SUGCT: variants seen among roughly 807,000 people sequenced by gnomAD.
SUGCT encodes succinyl-CoA:glutarate-CoA transferase.
Under a neutral mutation model 55.0 loss-of-function variants are expected in SUGCT, and 41 were observed. The ratio of observed to expected loss-of-function variants is 0.74; its 90% CI spans 0.58 to 0.97. SUGCT has a LOEUF of 0.97. SUGCT is among the 50% of genes least tolerant of loss of function. The pLI is 0.00. For synonymous variants in SUGCT, 187 were observed against 200.4 expected (o/e 0.93, Z 0.56); for missense variants, 568 against 547.8 (o/e 1.04, Z -0.37).
At chr7:40,277,209 T>C (rs1456290202) in intron 8 of SUGCT, among the ~76,000 whole-genome samples, 5 of 152,282 alleles carry the variant, frequency 3.3e-5, no homozygotes, top group East Asian at 1.9e-4. Flanking sequence ...CTTTCTTTTT[T>C]TCTTTTTCTG....
At chr7:40,678,230 C>T (rs1784091512) in intron 12 of SUGCT, among the ~76,000 whole-genome samples, 1 of 152,160 alleles carries the variant, frequency 6.6e-6, no homozygotes, top group African/African-American at 2.4e-5. Context: ...TGGTTGCCGT[C>T]GTGGAGACTG....
intron 12 of SUGCT, among the ~76,000 whole-genome samples, chr7:40,634,734 T>G (rs1266935215): frequency 6.6e-6 from 1 of 152,188 alleles, no homozygotes; most frequent in Non-Finnish European, 1.5e-5. Flanking sequence ...AAATAGACAT[T>G]ATCATGCATT....
chr7:40,734,286 C>T (rs1194605478), intron 12 of SUGCT, among the ~76,000 whole-genome samples: 4 of 152,156 alleles, frequency 2.6e-5, no homozygotes, highest in Non-Finnish European at 5.9e-5. Context: ...GCACTCAGAT[C>T]AGCAATACTA....
intron 8 of SUGCT, among the ~76,000 whole-genome samples, chr7:40,298,323 C>A (rs1364442768): frequency 6.6e-6 from 1 of 152,044 alleles, no homozygotes; most frequent in Non-Finnish European, 1.5e-5. Context: ...TATAGTTGCT[C>A]ATATTGCATA....
chr7:40,714,193 G>T (rs1785886506), intron 12 of SUGCT, among the ~76,000 whole-genome samples: 1 of 152,060 alleles, frequency 6.6e-6, no homozygotes, highest in Non-Finnish European at 1.5e-5. Context: ...AGCCAGGTGT[G>T]TTGGTGAGCG....
At chr7:40,632,450 A>G (rs1249846856) in intron 12 of SUGCT, among the ~76,000 whole-genome samples, 2 of 149,940 alleles carry the variant, frequency 1.3e-5, no homozygotes, top group Non-Finnish European at 3.0e-5. Context: ...TACTTTATTT[A>G]TTCATTTTTA....
chr7:40,934,703 C>A, the SUGCT span, among the ~76,000 whole-genome samples: 127 of 152,290 alleles, frequency 8.3e-4, no homozygotes, highest in African/African-American at 3.0e-3. Context: ...CAGACTGCTG[C>A]GCTAGCAGTG....
intron 13 of SUGCT, among the ~76,000 whole-genome samples, chr7:40,849,167 T>G (rs1793727846): frequency 6.6e-6 from 1 of 152,144 alleles, no homozygotes; most frequent in Non-Finnish European, 1.5e-5. Flanking sequence ...TCATATATTA[T>G]AAAACAGATG....
At chr7:40,316,884 T>G in intron 9 of SUGCT, 29 bp downstream of exon 9, 1 of 1,220,284 alleles carries the variant, frequency 8.2e-7, no homozygotes, top group Admixed American at 2.6e-5. Flanking sequence ...AGGGTTGGGC[T>G]GTTGTAATTT....
chr7:40,513,395 G>C (rs1251001399), intron 12 of SUGCT, among the ~76,000 whole-genome samples: 1 of 152,120 alleles, frequency 6.6e-6, no homozygotes, highest in African/African-American at 2.4e-5. Flanking sequence ...GAGCTATATT[G>C]AACTACAACT....
At chr7:40,653,602 CT>C (rs1468771135) in intron 12 of SUGCT, among the ~76,000 whole-genome samples, 1 of 152,164 alleles carries the variant, frequency 6.6e-6, no homozygotes, top group Non-Finnish European at 1.5e-5. Context: ...TTTTCCCTCC[CT>C]TTCAGTTTCT....
chr7:40,554,075 G>T (rs1795438675), intron 12 of SUGCT, among the ~76,000 whole-genome samples: 1 of 152,214 alleles, frequency 6.6e-6, no homozygotes, highest in Non-Finnish European at 1.5e-5. Flanking sequence ...TTTGAATCCT[G>T]GCTTTTCTAC....
chr7:40,930,096 T>C, the SUGCT span, among the ~76,000 whole-genome samples: 1 of 152,230 alleles, frequency 6.6e-6, no homozygotes, highest in Non-Finnish European at 1.5e-5. Context: ...TTAATTTTTG[T>C]ATAAGGTGTA....
intron 9 of SUGCT, among the ~76,000 whole-genome samples, chr7:40,400,277 G>A (rs571210147): frequency 6.6e-6 from 1 of 152,052 alleles, no homozygotes; most frequent in Non-Finnish European, 1.5e-5. Flanking sequence ...AATAAGTGAG[G>A]CTAGATATTA....
In SUGCT at chr7:40,167,605, T is replaced by C. The variant is rs140320171; in HGVS notation, c.101-13342T>C. On this transcript the variant is annotated intron_variant, in intron 1 of 13. Transcript: ENST00000335693. ...ACCTAGGGCCATGCAGTGAGTGTTA[T>C]ACCTCTATTATAAGCTGTGGGTCAC... is the stretch of plus-strand genomic sequence containing the variant. Among the ~76,000 whole-genome samples, 19 of 152,318 alleles carry C rather than the reference T, an allele frequency of 1.2e-4. No individual in the cohort carries two copies. The Middle Eastern group carries it at 0.01, about 82-fold the overall frequency.
intron 13 of SUGCT, among the ~76,000 whole-genome samples, chr7:40,777,312 A>T (rs1789504479): frequency 6.6e-6 from 1 of 152,152 alleles, no homozygotes; most frequent in Admixed American, 6.5e-5. Flanking sequence ...TATGCATCAG[A>T]CTGGGCACTC....
intron 12 of SUGCT, among the ~76,000 whole-genome samples, chr7:40,605,028 C>T (rs150550891): frequency 1.3e-5 from 2 of 152,326 alleles, no homozygotes; most frequent in Non-Finnish European, 1.5e-5. Flanking sequence ...GTGCCCTCTG[C>T]TGGGCAGAGC....
At chr7:40,459,778 G>A (rs1040443237) in intron 11 of SUGCT, among the ~76,000 whole-genome samples, 1 of 152,152 alleles carries the variant, frequency 6.6e-6, no homozygotes, top group African/African-American at 2.4e-5. Flanking sequence ...TGTTAATTAA[G>A]TAGAATATTT....
At chr7:40,910,616 C>T in the SUGCT span, among the ~76,000 whole-genome samples, 2 of 152,146 alleles carry the variant, frequency 1.3e-5, no homozygotes, top group East Asian at 1.9e-4. Flanking sequence ...AGTGACCGCT[C>T]TGACAGTGTT....
Sources: allele counts gnomAD v4.1 joint callset (sites outside exome capture counted in the v4.1 genomes callset), GRCh38; gene constraint gnomAD v4.1.1; transcripts MANE v1.5; gene names NCBI Gene and HGNC (gene_info 2026-07-23, HGNC 2026-07-21).